The following PAPSS1 variants were observed in gnomAD, a reference collection of about 807,000 sequenced individuals.
PAPSS1 encodes the protein 3'-phosphoadenosine 5'-phosphosulfate synthase 1, also known as bifunctional 3'-phosphoadenosine 5'-phosphosulfate synthase 1.
A neutral mutation model predicts 72.0 loss-of-function variants in PAPSS1; 50 were observed. The ratio of observed to expected loss-of-function variants is 0.69; its 90% CI spans 0.55 to 0.88. PAPSS1 has a LOEUF of 0.88. Ranked by LOEUF, PAPSS1 falls within the 40% of genes least tolerant of loss-of-function variation. The pLI is 0.00. For synonymous variants in PAPSS1, 261 were observed against 263.6 expected (o/e 0.99, Z 0.09); for missense variants, 657 against 782.2 (o/e 0.84, Z 1.91).
intron 1 of PAPSS1, among the ~76,000 whole-genome samples, chr4:107,709,926 C>A (rs1723443741): frequency 6.6e-6 from 1 of 152,204 alleles, no homozygotes; most frequent in Non-Finnish European, 1.5e-5. Flanking sequence ...ATTACCCTGT[C>A]TTGATAAATT....
At chr4:107,709,311 T>G (rs1320366952) in intron 1 of PAPSS1, among the ~76,000 whole-genome samples, 1 of 152,224 alleles carries the variant, frequency 6.6e-6, no homozygotes, top group African/African-American at 2.4e-5. Flanking sequence ...AGAAAATTGT[T>G]AACAGTGAAA....
At chr4:107,672,309 T>C (rs942051535) in intron 5 of PAPSS1, among the ~76,000 whole-genome samples, 4 of 152,196 alleles carry the variant, frequency 2.6e-5, no homozygotes, top group African/African-American at 9.7e-5. Flanking sequence ...GGGAATTCCC[T>C]TTTCTAGTCA....
At chr4:107,643,463 G>C (rs1726608901) in intron 10 of PAPSS1, among the ~76,000 whole-genome samples, 1 of 152,138 alleles carries the variant, frequency 6.6e-6, no homozygotes, top group South Asian at 2.1e-4. Context: ...CACTGAGACT[G>C]AACTGTAGCT....
At chr4:107,630,348 CAT>C (rs370619041) in intron 11 of PAPSS1, among the ~76,000 whole-genome samples, 194 of 152,332 alleles carry the variant, frequency 1.3e-3, no homozygotes, top group African/African-American at 4.4e-3. Flanking sequence ...ATAATCCCCA[CAT>C]GTCAGGGGAG....
intron 1 of PAPSS1, among the ~76,000 whole-genome samples, chr4:107,710,462 A>C (rs1723460639): frequency 6.6e-6 from 1 of 152,184 alleles, no homozygotes; most frequent in Non-Finnish European, 1.5e-5. Context: ...TTTCCTAGAA[A>C]GTAGGTCAAG....
chr4:107,619,099 C>T (rs1217712453), intron 11 of PAPSS1, among the ~76,000 whole-genome samples: 1 of 152,132 alleles, frequency 6.6e-6, no homozygotes. Flanking sequence ...TTATAAAGTG[C>T]TTGTTGTTGA....
chr4:107,706,496 A>C (rs1303424955), intron 1 of PAPSS1, among the ~76,000 whole-genome samples: 1 of 151,984 alleles, frequency 6.6e-6, no homozygotes, highest in East Asian at 1.9e-4. Context: ...TAAATTTCTC[A>C]TGTTGGTCAT....
intron 10 of PAPSS1, among the ~76,000 whole-genome samples, chr4:107,637,308 A>G (rs1293127146): frequency 6.6e-6 from 1 of 152,130 alleles, no homozygotes; most frequent in Non-Finnish European, 1.5e-5. Flanking sequence ...ACTGTCTATC[A>G]CTTATCTCCC....
At chr4:107,614,714 TATAGC>T (rs993154945) in intron 11 of PAPSS1, among the ~76,000 whole-genome samples, 1 of 152,192 alleles carries the variant, frequency 6.6e-6, no homozygotes, top group Non-Finnish European at 1.5e-5. Context: ...CTTGCAAAAT[TATAGC>T]ATATCACAGC....
At chr4:107,720,072 C>G in intron 1 of PAPSS1, 48 bp downstream of exon 1, 3 of 1,587,772 alleles carry the variant, frequency 1.9e-6, no homozygotes, top group Non-Finnish European at 2.6e-6. Flanking sequence ...ACGAGCTGCT[C>G]CCACAGCCCC....
At chr4:107,687,221 C>T (rs780628305) in intron 3 of PAPSS1, 44 bp from the exon 4 acceptor site, 16 of 1,442,234 alleles carry the variant, frequency 1.1e-5, no homozygotes, top group East Asian at 1.0e-4. Flanking sequence ...AAATCACAAA[C>T]GTACTATATT....
At chr4:107,622,849 A>C (rs1726001794) in intron 11 of PAPSS1, among the ~76,000 whole-genome samples, 1 of 152,216 alleles carries the variant, frequency 6.6e-6, no homozygotes, top group African/African-American at 2.4e-5. Context: ...CTTCCATTAA[A>C]ACTCTCTGCC....
At chr4:107,700,967 G>T (rs1309824654) in intron 2 of PAPSS1, among the ~76,000 whole-genome samples, 1 of 151,320 alleles carries the variant, frequency 6.6e-6, no homozygotes, top group Non-Finnish European at 1.5e-5. Context: ...GTTCATTGTG[G>T]TTTTTACCTT....
intron 9 of PAPSS1, 75 bp downstream of exon 9, chr4:107,653,416 G>A (rs1726908835): frequency 1.4e-5 from 19 of 1,405,242 alleles, no homozygotes; most frequent in Admixed American, 4.1e-5. Flanking sequence ...TTACATTTTC[G>A]TAAGCACTGG....
intron 11 of PAPSS1, 47 bp from the exon 12 acceptor site, chr4:107,614,434 T>C: frequency 4.0e-6 from 6 of 1,493,476 alleles, no homozygotes; most frequent in East Asian, 2.3e-5. Context: ...TTTAGAAACT[T>C]AGATTTTTAA....
intron 5 of PAPSS1, among the ~76,000 whole-genome samples, chr4:107,667,279 C>G (rs1221292599): frequency 6.6e-6 from 1 of 152,186 alleles, no homozygotes; most frequent in Non-Finnish European, 1.5e-5. Flanking sequence ...CTCTGCCACC[C>G]CTTCCCTGCA....
chr4:107,712,072 T>C (rs1028517184), intron 1 of PAPSS1, among the ~76,000 whole-genome samples: 1 of 152,238 alleles, frequency 6.6e-6, no homozygotes. Flanking sequence ...ACACTCTGCA[T>C]ACACATTACG....
intron 4 of PAPSS1, among the ~76,000 whole-genome samples, chr4:107,685,124 T>C (rs896090067): frequency 2.6e-5 from 4 of 152,180 alleles, no homozygotes; most frequent in Non-Finnish European, 5.9e-5. Context: ...GAGGATGGTC[T>C]CGAATCTCTT....
chr4:107,614,463 G>T, intron 11 of PAPSS1, 76 bp from the exon 12 acceptor site: 3 of 1,095,140 alleles, frequency 2.7e-6, no homozygotes, highest in South Asian at 1.5e-5. Context: ...TGTTCCTTCT[G>T]TTCATATTAG....
Sources: allele counts gnomAD v4.1 joint callset (sites outside exome capture counted in the v4.1 genomes callset), GRCh38; gene constraint gnomAD v4.1.1; transcripts MANE v1.5; gene names NCBI Gene and HGNC (gene_info 2026-07-23, HGNC 2026-07-21).